HMG20A: variants seen among roughly 807,000 people sequenced by gnomAD.
HMG20A encodes the protein high mobility group 20A, also known as high mobility group protein 20A.
Under a neutral mutation model 43.9 loss-of-function variants are expected in HMG20A, and 17 were observed. That is an observed-to-expected ratio of 0.39 (90% CI 0.27 to 0.58). The LOEUF (loss-of-function observed/expected upper bound fraction) is 0.58, where lower values mean the gene tolerates loss of function less well. Among genes scored for constraint, HMG20A ranks in the 20% least tolerant of loss-of-function variants. The pLI is 0.59. For synonymous variants in HMG20A, 132 were observed against 147.5 expected (o/e 0.89, Z 0.76); for missense variants, 341 against 438.2 (o/e 0.78, Z 1.98).
intron 2 of HMG20A, among the ~76,000 whole-genome samples, chr15:77,463,855 C>T (rs2072728592): frequency 6.6e-6 from 1 of 152,186 alleles, no homozygotes; most frequent in Non-Finnish European, 1.5e-5. Context: ...CTACAACTCC[C>T]ATTGCTATTC....
At chr15:77,509,658 C>T in the HMG20A span, among the ~76,000 whole-genome samples, 2 of 150,370 alleles carry the variant, frequency 1.3e-5, no homozygotes, top group African/African-American at 4.9e-5. Flanking sequence ...GTAATCCTAG[C>T]ACTTTGGGAG....
At chr15:77,509,884 C>T in the HMG20A span, among the ~76,000 whole-genome samples, 168 of 148,410 alleles carry the variant, frequency 1.1e-3, 2 homozygotes, top group East Asian at 0.031. Context: ...TCCAGCCTGG[C>T]GACAGAGCAA....
chr15:77,438,526 C>G (rs188962214), intron 1 of HMG20A, among the ~76,000 whole-genome samples: 125 of 152,182 alleles, frequency 8.2e-4, no homozygotes, highest in African/African-American at 2.9e-3. Context: ...TTATACACAT[C>G]TATTATGATT....
chr15:77,484,104 G>T lies in HMG20A; in HGVS notation c.*1141G>T, dbSNP rs2072927717. The stretch of plus-strand genomic sequence containing the variant: ...CAGCATAAGTAAAGAGGACTTTCTG[G>T]TTCATTTTTGTTTGTTTTGTTTTGT... On this transcript the variant is annotated 3_prime_UTR_variant, in exon 10 of 10. Transcript: ENST00000336216. 1 of 152,054 alleles carries T rather than the reference G, an allele frequency of 6.6e-6. No individual in the cohort carries two copies. Among genetic ancestry groups the T allele is most frequent in the Non-Finnish European group, 1.5e-5 (1 of 68,038 alleles). The allele number at this position is 152,054 out of a possible 1,614,324, so 9.4% of individuals were successfully genotyped here.
At chr15:77,502,977 G>T in the HMG20A span, among the ~76,000 whole-genome samples, 9 of 151,996 alleles carry the variant, frequency 5.9e-5, no homozygotes, top group African/African-American at 2.2e-4. Context: ...AAAAACAAAA[G>T]CAAAACGAAC....
At chr15:77,475,035 G>A (rs2072843177) in intron 6 of HMG20A, among the ~76,000 whole-genome samples, 1 of 152,152 alleles carries the variant, frequency 6.6e-6, no homozygotes, top group African/African-American at 2.4e-5. Context: ...TGAAAACTAA[G>A]ATAGAAACAA....
At chr15:77,446,867 G>C (rs1489421610) in intron 1 of HMG20A, among the ~76,000 whole-genome samples, 1 of 150,422 alleles carries the variant, frequency 6.6e-6, no homozygotes, top group African/African-American at 2.4e-5. Context: ...TTAACTTTTT[G>C]TGCTTTGTGT....
At chr15:77,496,938 C>G in the HMG20A span, among the ~76,000 whole-genome samples, 1 of 152,324 alleles carries the variant, frequency 6.6e-6, no homozygotes, top group Non-Finnish European at 1.5e-5. Flanking sequence ...TGATAGAGCC[C>G]ATTTCCAGAT....
chr15:77,487,887 TAAAG>T (rs933120078), downstream of HMG20A, among the ~76,000 whole-genome samples: 38 of 152,344 alleles, frequency 2.5e-4, no homozygotes, highest in African/African-American at 8.9e-4. Flanking sequence ...GCCAGCCCAT[TAAAG>T]AAATCAGGAT....
At chr15:77,514,128 GT>G in the HMG20A span, among the ~76,000 whole-genome samples, 1 of 152,170 alleles carries the variant, frequency 6.6e-6, no homozygotes, top group Non-Finnish European at 1.5e-5. Context: ...CATAAAATCT[GT>G]GGACACAATT....
chr15:77,430,080 A>T (rs2073468467), intron 1 of HMG20A, among the ~76,000 whole-genome samples: 1 of 152,238 alleles, frequency 6.6e-6, no homozygotes. Flanking sequence ...GAGGATAACT[A>T]TGTCTACATT....
chr15:77,426,033 G>A (rs1326043105), intron 1 of HMG20A, among the ~76,000 whole-genome samples: 1 of 152,184 alleles, frequency 6.6e-6, no homozygotes, highest in Non-Finnish European at 1.5e-5. Context: ...AACCTATTAT[G>A]TGATTCCATT....
intron 1 of HMG20A, among the ~76,000 whole-genome samples, chr15:77,437,730 C>G (rs1449012017): frequency 6.6e-6 from 1 of 152,094 alleles, no homozygotes; most frequent in East Asian, 1.9e-4. Context: ...CGCCACCACA[C>G]CTGACTAATG....
At chr15:77,461,111 A>C (rs2072701037) in intron 2 of HMG20A, among the ~76,000 whole-genome samples, 1 of 152,150 alleles carries the variant, frequency 6.6e-6, no homozygotes, top group Non-Finnish European at 1.5e-5. Flanking sequence ...GAAAAAAAAA[A>C]AGTATTTCAA....
At chr15:77,503,915 G>A in the HMG20A span, among the ~76,000 whole-genome samples, 1 of 152,128 alleles carries the variant, frequency 6.6e-6, no homozygotes, top group Non-Finnish European at 1.5e-5. Flanking sequence ...GCTGCACATG[G>A]CAGCTGTACA....
intron 1 of HMG20A, among the ~76,000 whole-genome samples, chr15:77,427,721 A>T (rs1025388490): frequency 2.6e-5 from 4 of 152,152 alleles, no homozygotes; most frequent in African/African-American, 9.7e-5. Flanking sequence ...TCAAAAAAAA[A>T]TTTTATTCAG....
At chr15:77,518,819 A>G in the HMG20A span, among the ~76,000 whole-genome samples, 1 of 152,176 alleles carries the variant, frequency 6.6e-6, no homozygotes, top group Non-Finnish European at 1.5e-5. Context: ...GGCTGTCCAA[A>G]GGGATTTGAG....
In HMG20A at chr15:77,484,211, C is replaced by T. The variant is rs1181463062; in HGVS notation, c.*1248C>T. On this transcript the variant is annotated 3_prime_UTR_variant, in exon 10 of 10. Coordinates refer to ENST00000336216, the MANE Select transcript of HMG20A (RefSeq NM_001304504.2). ...TATTCACAGATGCTATCATAGCACA[C>T]TACAGCCTACAACTCTTGGGCTCAA... The T allele has an allele frequency of 6.6e-6, 1 of 152,268 alleles. No homozygotes were observed. The highest frequency in any genetic ancestry group is 1.5e-5 in the Non-Finnish European group (1 of 68,078). The allele number at this position is 152,268 out of a possible 1,614,324, so 9.4% of individuals were successfully genotyped here. A position where few individuals can be genotyped will look rare whatever the true frequency, so the allele number is the denominator to read the frequency against.
intron 1 of HMG20A, among the ~76,000 whole-genome samples, chr15:77,443,027 C>CTTTTTTTT: frequency 8.4e-6 from 1 of 118,662 alleles, no homozygotes; most frequent in Non-Finnish European, 1.7e-5. Context: ...CTACTTTGAA[C>CTTTTTTTT]TTTTTTTTTT....
Sources: allele counts gnomAD v4.1 joint callset (sites outside exome capture counted in the v4.1 genomes callset), GRCh38; gene constraint gnomAD v4.1.1; transcripts MANE v1.5; gene names NCBI Gene and HGNC (gene_info 2026-07-23, HGNC 2026-07-21).